The following SGSM1 variants were observed in gnomAD, a reference collection of about 807,000 sequenced individuals.
SGSM1 encodes small G protein signaling modulator 1, also known as RUN and TBC1 domain containing 2.
In SGSM1, 73 loss-of-function variants were observed where a neutral mutation model predicts 133.8. The ratio of observed to expected loss-of-function variants is 0.55; its 90% CI spans 0.45 to 0.66. The LOEUF (loss-of-function observed/expected upper bound fraction) is 0.66, where lower values mean the gene tolerates loss of function less well. Ranked by LOEUF, SGSM1 falls within the 30% of genes least tolerant of loss-of-function variation. The pLI, the probability that SGSM1 is intolerant of heterozygous loss-of-function variation, is 0.00. For synonymous variants in SGSM1, 563 were observed against 573.0 expected (o/e 0.98, Z 0.25); for missense variants, 1,213 against 1,448.1 (o/e 0.84, Z 2.64).
At chr22:24,873,377 G>A (rs907171869) in intron 12 of SGSM1, among the ~76,000 whole-genome samples, 1 of 152,022 alleles carries the variant, frequency 6.6e-6, no homozygotes, top group Admixed American at 6.6e-5. Context: ...TGTTTTCTAC[G>A]ATGTTGAGCA....
chr22:24,922,793 G>C (rs1934060148), intron 24 of SGSM1, among the ~76,000 whole-genome samples: 1 of 152,196 alleles, frequency 6.6e-6, no homozygotes, highest in South Asian at 2.1e-4. Flanking sequence ...CTTACTTTCT[G>C]TTGCAGCAGC....
At chr22:24,908,339 GA>G (rs1555937618) in intron 21 of SGSM1, among the ~76,000 whole-genome samples, 1 of 140,606 alleles carries the variant, frequency 7.1e-6, no homozygotes, top group African/African-American at 2.6e-5. Context: ...CATAAAGAAA[GA>G]AAAAATAGGC....
In SGSM1 at chr22:24,855,415, G is replaced by A. The variant is rs537449985; in HGVS notation, c.654G>A (p.Lys218=). The change falls in exon 7 of 25, where the codon AAG becomes AAA. Residue 218 remains lysine (K), a synonymous_variant. Coordinates refer to ENST00000400358, the MANE Select transcript of SGSM1 (RefSeq NM_001098497.3). ...SSHVRQDSPT[K]RPALCIQKRH... is the part of the protein sequence containing the mutation. ...ACGTGCGGCAGGACTCGCCCACCAA[G>A]CGTCCTGCCCTCTGTGTGAGTGGGG... is the stretch of plus-strand genomic sequence containing the variant. 2.2e-5 allele frequency: 35 copies of A among 1,613,422 alleles called. No individual in the cohort carries two copies. Among genetic ancestry groups the A allele is most frequent in the Non-Finnish European group, 2.8e-5 (33 of 1,179,820 alleles).
At chr22:24,919,471 G>A (rs1933932907) in intron 23 of SGSM1, among the ~76,000 whole-genome samples, 1 of 152,154 alleles carries the variant, frequency 6.6e-6, no homozygotes, top group Non-Finnish European at 1.5e-5. Context: ...TGGAGATGGA[G>A]GTGCAGGGAT....
At chr22:24,861,604 G>A (rs987344885) in intron 9 of SGSM1, among the ~76,000 whole-genome samples, 6 of 148,330 alleles carry the variant, frequency 4.0e-5, no homozygotes, top group African/African-American at 1.5e-4. Flanking sequence ...CTGGAATGCA[G>A]TGGCGCGAAC....
At chr22:24,885,541 C>T (rs947690137) in intron 15 of SGSM1, among the ~76,000 whole-genome samples, 2 of 149,768 alleles carry the variant, frequency 1.3e-5, no homozygotes, top group African/African-American at 2.5e-5. Flanking sequence ...CGGGTTCAAG[C>T]GATTCTTCTG....
chr22:24,909,600 C>T (rs1310628488), intron 21 of SGSM1, among the ~76,000 whole-genome samples: 2 of 152,034 alleles, frequency 1.3e-5, no homozygotes, highest in East Asian at 1.9e-4. Flanking sequence ...GGATTACAGG[C>T]GCCCACCACC....
chr22:24,892,849 C>A (rs533574398), intron 16 of SGSM1, among the ~76,000 whole-genome samples: 113 of 146,936 alleles, frequency 7.7e-4, no homozygotes, highest in Non-Finnish European at 1.3e-3. Context: ...GAGATCAAGA[C>A]CATCCTGGCC....
At chr22:24,808,371 C>T (rs912520640) in intron 2 of SGSM1, among the ~76,000 whole-genome samples, 1 of 152,146 alleles carries the variant, frequency 6.6e-6, no homozygotes, top group African/African-American at 2.4e-5. Context: ...GCCTCGGCCT[C>T]CCAAAGTGCT....
intron 22 of SGSM1, 39 bp downstream of exon 22, chr22:24,912,791 G>T (rs765446207): frequency 1.4e-6 from 2 of 1,479,944 alleles, no homozygotes; most frequent in African/African-American, 2.8e-5. Context: ...GACTTTTTTG[G>T]GAAACAGTTA....
At chr22:24,905,800 A>AG (rs1933355936) in intron 21 of SGSM1, among the ~76,000 whole-genome samples, 1 of 151,744 alleles carries the variant, frequency 6.6e-6, no homozygotes, top group Non-Finnish European at 1.5e-5. Flanking sequence ...AAAAAAAAAA[A>AG]AAAAGAAAAG....
chr22:24,890,095 T>A (rs1328952592), intron 16 of SGSM1, among the ~76,000 whole-genome samples: 11 of 152,106 alleles, frequency 7.2e-5, no homozygotes, highest in Admixed American at 7.2e-4. Context: ...TAGCTGGGAC[T>A]GCAGGCGCCT....
chr22:24,847,648 T>C lies in SGSM1; in HGVS notation c.154T>C (p.Cys52Arg). 13 of 1,613,534 alleles carry C rather than the reference T, an allele frequency of 8.1e-6. No individual in the cohort carries two copies. Among genetic ancestry groups the C allele is most frequent in the Non-Finnish European group, 1.1e-5 (13 of 1,179,788 alleles). The change falls in exon 4 of 25, where the codon TGC (cysteine) becomes CGC (arginine). Residue 52 changes from cysteine to arginine, a missense_variant. Physicochemically the swap from Cys to Arg is radical, Grantham distance 180. Transcript: ENST00000400358. ...IISFCAAVEA[C>R]VLHGLRRRAA... ...TGTCCCTGCAGCGGCTGTGGAGGCC[T>C]GCGTTCTGCACGGGCTTCGGCGGCG...
intron 21 of SGSM1, among the ~76,000 whole-genome samples, chr22:24,910,247 A>G (rs139760): frequency 0.46 from 69,826 of 151,886 alleles, 16,279 homozygotes; most frequent in South Asian, 0.61. Flanking sequence ...TTGGGGGGGT[A>G]AAGAAATGTT....
chr22:24,844,684 A>C, intron 2 of SGSM1: 1 of 555,694 alleles, frequency 1.8e-6, no homozygotes, highest in South Asian at 2.3e-5. Context: ...GAAGAACCTG[A>C]ACGAATAATT....
intron 18 of SGSM1, among the ~76,000 whole-genome samples, chr22:24,896,003 C>T (rs1932905843): frequency 6.6e-6 from 1 of 152,270 alleles, no homozygotes; most frequent in Admixed American, 6.5e-5. Flanking sequence ...GAGCCATGAT[C>T]ACGCCACTGC....
rs192117631 is a variant in SGSM1, at chr22:24,834,816, G to C, written c.64-10081G>C. Among the ~76,000 whole-genome samples, 53 of 148,734 alleles carry C rather than the reference G, an allele frequency of 3.6e-4. No individual in the cohort carries two copies. The Middle Eastern group carries it at 0.01, about 29-fold the overall frequency. ...TTCTTGTTGCCCAGGCTGGTCCTCT[G>C]TTTTGGAGTCTGAAGTCTTAGATGT... On this transcript the variant is annotated intron_variant, in intron 2 of 24. Coordinates refer to ENST00000400358, the MANE Select transcript of SGSM1 (RefSeq NM_001098497.3).
At chr22:24,917,063 T>C (rs1416886324) in intron 22 of SGSM1, among the ~76,000 whole-genome samples, 2 of 150,928 alleles carry the variant, frequency 1.3e-5, no homozygotes, top group African/African-American at 4.9e-5. Context: ...TTCTTTTTTT[T>C]TTTTTTTTTT....
chr22:24,821,649 C>T (rs1928476405), intron 2 of SGSM1, among the ~76,000 whole-genome samples: 1 of 152,200 alleles, frequency 6.6e-6, no homozygotes, highest in South Asian at 2.1e-4. Context: ...AAAGGAGGCG[C>T]TTGGCCTGTC....
Sources: gnomAD v4.1 joint callset for allele counts (sites outside exome capture counted in the v4.1 genomes callset) on GRCh38, gnomAD v4.1.1 for gene constraint, MANE v1.5 for transcripts, NCBI Gene and HGNC (gene_info 2026-07-23, HGNC 2026-07-21) for gene names.